The following LGALS8 variants were observed in gnomAD, a reference collection of about 807,000 sequenced individuals.
The protein encoded by LGALS8 is galectin 8, also known as galectin-8.
A neutral mutation model predicts 35.9 loss-of-function variants in LGALS8; 30 were observed. The ratio of observed to expected loss-of-function variants is 0.83; its 90% CI spans 0.62 to 1.13. LGALS8 has a LOEUF of 1.13. LGALS8 is among the 50% of genes most tolerant of loss of function. LGALS8 has a pLI of 0.00. For missense variants in LGALS8, 366 were observed against 388.7 expected (o/e 0.94, Z 0.49); for synonymous variants, 138 against 136.1 (o/e 1.01, Z -0.10).
upstream of LGALS8, among the ~76,000 whole-genome samples, chr1:236,518,843 G>A (rs1660474084): frequency 6.6e-6 from 1 of 152,052 alleles, no homozygotes; most frequent in Non-Finnish European, 1.5e-5. Context: ...GGTTGGAGAG[G>A]GGGTCCAAAA....
chr1:236,524,141 G>A (rs140442965), intron 1 of LGALS8, 80 bp downstream of exon 1: 264 of 456,652 alleles, frequency 5.8e-4, no homozygotes, highest in African/African-American at 4.9e-3. Flanking sequence ...GCCAGTGGAG[G>A]ATGGCATTCG....
intron 2 of LGALS8, among the ~76,000 whole-genome samples, chr1:236,537,281 C>T (rs1661595106): frequency 6.6e-6 from 1 of 152,122 alleles, no homozygotes; most frequent in Non-Finnish European, 1.5e-5. Context: ...TCCCAAAGTG[C>T]TGGGATTACA....
chr1:236,518,547 TA>T (rs1248060054), upstream of LGALS8: 3 of 152,222 alleles, frequency 2.0e-5, no homozygotes, highest in Admixed American at 1.3e-4. Flanking sequence ...AGATGTTGCA[TA>T]ATTTAAAACC....
rs139389436 is a variant in LGALS8, at chr1:236,533,339, C to CT, written c.46-4148dup. Among the ~76,000 whole-genome samples, 799 of 149,030 alleles carry CT rather than the reference C, an allele frequency of 5.4e-3. 3 individuals are homozygous for CT. Among genetic ancestry groups the CT allele is most frequent in the Middle Eastern group, 0.014 (4 of 288 alleles). On this transcript the variant is annotated intron_variant, in intron 2 of 9. Transcript: ENST00000366584. Reference sequence around the variant, plus strand: ...GACTCTTCTTTACTGCTCCCCCACCCTTTTTTTTTTCTTTGAGACTGAATT... The same window carrying CT: ...GACTCTTCTTTACTGCTCCCCCACCCTTTTTTTTTTTCTTTGAGACTGAATT...
upstream of LGALS8, chr1:236,523,756 C>T (rs1660633404): frequency 3.1e-6 from 1 of 326,204 alleles, no homozygotes; most frequent in Admixed American, 4.3e-5. Flanking sequence ...CTGTGCTCGT[C>T]CCACAGCAAG....
intron 1 of LGALS8, chr1:236,524,271 G>A (rs768396673): frequency 6.6e-6 from 3 of 456,014 alleles, no homozygotes; most frequent in South Asian, 4.6e-5. Context: ...CTCTGCAGGC[G>A]AGGCGCTCCG....
chr1:236,539,285 G>C, intron 4 of LGALS8, 196 bp downstream of exon 4: 1 of 580,354 alleles, frequency 1.7e-6, no homozygotes. Context: ...CCAGCCAGTT[G>C]TTGCCATGCA....
intron 2 of LGALS8, among the ~76,000 whole-genome samples, chr1:236,534,365 A>G (rs1218584255): frequency 1.3e-5 from 2 of 152,210 alleles, no homozygotes; most frequent in African/African-American, 4.8e-5. Context: ...GCAAAGCAAT[A>G]TGAATCAGCA....
rs536976703 is a variant in LGALS8 at position 236,537,295 on chromosome 1, G to A, written c.46-202G>A. Among the ~76,000 whole-genome samples, 13 of 152,238 alleles carry A rather than the reference G, an allele frequency of 8.5e-5. No homozygotes were observed. In the South Asian group the frequency reaches 2.1e-3, roughly 24 times the overall value. ...CTCCCAAAGTGCTGGGATTACAGGC[G>A]TGAGCCACCGCGCCCGGCCGCAGTT... On this transcript the variant is annotated intron_variant, in intron 2 of 9. Coordinates refer to ENST00000366584, the MANE Select transcript of LGALS8 (RefSeq NM_201544.4).
chr1:236,531,163 A>G (rs1162833650), intron 2 of LGALS8, among the ~76,000 whole-genome samples: 1 of 152,168 alleles, frequency 6.6e-6, no homozygotes, highest in Admixed American at 6.5e-5. Flanking sequence ...TCCCTTGTGA[A>G]GGGCTGTGTC....
chr1:236,545,018 T>C (rs12092255), intron 9 of LGALS8, 103 bp downstream of exon 9: 37,799 of 824,358 alleles, frequency 0.046, 1,552 homozygotes, highest in African/African-American at 0.18. Flanking sequence ...TATGTGGAAG[T>C]TGTGTATGTT....
rs1572028306 is a variant in LGALS8, at chr1:236,551,958, T to C, written c.*3797T>C. On this transcript the variant is annotated 3_prime_UTR_variant, in exon 10 of 10. Transcript: ENST00000366584. ...ATTTTCACAGAATTTTACTGAATTA[T>C]TCCTTAATTGTTTAATGGTTGGGAA... 6.9e-6 allele frequency: 9 copies of C among 1,299,284 alleles called. No homozygotes were observed. In the East Asian group the frequency reaches 2.1e-4, roughly 30 times the overall value. 80.5% of individuals were successfully genotyped at this position (1,299,284 alleles called of 1,614,324 possible). A position where few individuals can be genotyped will look rare whatever the true frequency, so the allele number is the denominator to read the frequency against.
In LGALS8 at chr1:236,548,096, C is replaced by G; in HGVS notation, c.889C>G (p.Leu297Val). ...GGAGTACAAACACAGATTTAAAGAG[C>G]TCAGCAGTATTGACACGCTGGAAAT... is the stretch of plus-strand genomic sequence containing the variant. ...SLEYKHRFKELSSIDTLEING... is the reference protein window; with the variant it reads ...SLEYKHRFKEVSSIDTLEING... Residue 297 changes from leucine to valine, a missense_variant, in exon 10 of 10, where the codon CTC becomes GTC. By Grantham distance (32) the Leu-to-Val change is conservative. Coordinates refer to ENST00000366584, the MANE Select transcript of LGALS8 (RefSeq NM_201544.4). 1 of 1,613,752 alleles carries G rather than the reference C, an allele frequency of 6.2e-7. No individual in the cohort carries two copies. The highest frequency in any genetic ancestry group is 1.1e-5 in the South Asian group (1 of 91,046).
At chr1:236,532,501 G>A (rs1350367170) in intron 2 of LGALS8, among the ~76,000 whole-genome samples, 2 of 152,068 alleles carry the variant, frequency 1.3e-5, no homozygotes, top group African/African-American at 4.8e-5. Flanking sequence ...CTCTGCCAAC[G>A]CTTCACACCA....
intron 9 of LGALS8, among the ~76,000 whole-genome samples, chr1:236,545,496 G>A (rs544963182): frequency 3.3e-5 from 5 of 152,288 alleles, no homozygotes; most frequent in South Asian, 2.1e-4. Context: ...TGCGGATGCC[G>A]GGTGTTTGGC....
intron 9 of LGALS8, among the ~76,000 whole-genome samples, chr1:236,546,438 C>A (rs1488707147): frequency 6.6e-6 from 1 of 152,292 alleles, no homozygotes; most frequent in Non-Finnish European, 1.5e-5. Context: ...CATTTTAAAT[C>A]TTCTTGCTCT....
intron 9 of LGALS8, among the ~76,000 whole-genome samples, chr1:236,545,538 C>T (rs1662310180): frequency 6.6e-6 from 1 of 152,180 alleles, no homozygotes; most frequent in African/African-American, 2.4e-5. Context: ...GTGCCACTGC[C>T]TCACACAGTC....
intron 9 of LGALS8, 135 bp from the exon 10 acceptor site, chr1:236,547,877 G>C (rs201896445): frequency 3.0e-6 from 2 of 675,440 alleles, no homozygotes; most frequent in Non-Finnish European, 2.5e-6. Flanking sequence ...TTGGAAGTCA[G>C]AAGGAAGTCA....
intron 9 of LGALS8, 74 bp from the exon 10 acceptor site, chr1:236,547,938 C>T (rs1456677478): frequency 2.3e-6 from 3 of 1,290,876 alleles, no homozygotes; most frequent in South Asian, 2.6e-5. Context: ...TTTACTCTGA[C>T]ACCGTTAGCA....
Sources: gnomAD v4.1 joint callset for allele counts (sites outside exome capture counted in the v4.1 genomes callset) on GRCh38, gnomAD v4.1.1 for gene constraint, MANE v1.5 for transcripts, NCBI Gene and HGNC (gene_info 2026-07-23, HGNC 2026-07-21) for gene names.